ATOSA: variants seen among roughly 807,000 people sequenced by gnomAD.
The protein encoded by ATOSA is atos homolog A.
At chr15:52,645,282 TA>T in the ATOSA span, among the ~76,000 whole-genome samples, 1 of 151,932 alleles carries the variant, frequency 6.6e-6, no homozygotes, top group South Asian at 2.1e-4. Context: ...CTACCAAAAA[TA>T]CAAAAATTAG....
At chr15:52,612,927 C>T in the ATOSA span, among the ~76,000 whole-genome samples, 2 of 149,306 alleles carry the variant, frequency 1.3e-5, no homozygotes, top group Non-Finnish European at 3.0e-5. Context: ...CAATGTTACA[C>T]AAAAACATTA....
At chr15:52,592,108 CTCTGT>C in the ATOSA span, among the ~76,000 whole-genome samples, 14 of 152,282 alleles carry the variant, frequency 9.2e-5, no homozygotes, top group African/African-American at 3.4e-4. Flanking sequence ...TTCCTTTCCT[CTCTGT>C]TGTTTCTCAA....
chr15:52,587,295 G>C, the ATOSA span: 5 of 1,217,116 alleles, frequency 4.1e-6, no homozygotes, highest in African/African-American at 7.7e-5. Flanking sequence ...AATAACTCAT[G>C]TAATTTATTA....
chr15:52,696,983 C>T, the ATOSA span, among the ~76,000 whole-genome samples: 1 of 152,014 alleles, frequency 6.6e-6, no homozygotes, highest in Non-Finnish European at 1.5e-5. Context: ...CTATTCAGAC[C>T]TGATCTTATT....
At chr15:52,664,238 G>A in the ATOSA span, among the ~76,000 whole-genome samples, 4 of 152,266 alleles carry the variant, frequency 2.6e-5, no homozygotes, top group East Asian at 5.8e-4. Flanking sequence ...AAAGACTTTA[G>A]ACATTATACC....
the ATOSA span, among the ~76,000 whole-genome samples, chr15:52,637,949 A>C: frequency 1.3e-4 from 20 of 152,188 alleles, no homozygotes; most frequent in Non-Finnish European, 2.2e-4. Flanking sequence ...ACTTCTTTCC[A>C]GTCTTTATGT....
the ATOSA span, chr15:52,581,433 ACT>A: frequency 6.6e-6 from 1 of 152,170 alleles, no homozygotes. Context: ...TAATGTAAAG[ACT>A]CTATAGTAGT....
At chr15:52,626,035 T>C in the ATOSA span, among the ~76,000 whole-genome samples, 7 of 152,242 alleles carry the variant, frequency 4.6e-5, no homozygotes, top group Non-Finnish European at 8.8e-5. Flanking sequence ...ATGTAACTTT[T>C]AGAATGCTGC....
chr15:52,646,084 GGT>G, the ATOSA span, among the ~76,000 whole-genome samples: 1 of 152,068 alleles, frequency 6.6e-6, no homozygotes, highest in South Asian at 2.1e-4. Context: ...AACATAGGCT[GGT>G]TTCCCAAAAT....
At chr15:52,584,983 G>A in the ATOSA span, 5 of 1,491,382 alleles carry the variant, frequency 3.4e-6, no homozygotes, top group African/African-American at 7.0e-5. Flanking sequence ...TAAAAATAGT[G>A]ATTTGTTGAT....
At chr15:52,677,654 T>C in the ATOSA span, among the ~76,000 whole-genome samples, 1 of 152,254 alleles carries the variant, frequency 6.6e-6, no homozygotes, top group African/African-American at 2.4e-5. Flanking sequence ...AAAAAGCTTA[T>C]GAACTTCTTG....
At chr15:52,645,077 T>C in the ATOSA span, among the ~76,000 whole-genome samples, 1 of 152,246 alleles carries the variant, frequency 6.6e-6, no homozygotes, top group Non-Finnish European at 1.5e-5. Context: ...GAGAATAAGC[T>C]ACTGTTGCTA....
At chr15:52,605,278 A>G in the ATOSA span, 1 of 1,459,392 alleles carries the variant, frequency 6.9e-7, no homozygotes, top group Non-Finnish European at 9.4e-7. Context: ...GTTAATTGTA[A>G]TATTTAAATA....
the ATOSA span, among the ~76,000 whole-genome samples, chr15:52,584,090 G>GAA: frequency 1.1e-3 from 48 of 41,878 alleles, no homozygotes; most frequent in African/African-American, 2.0e-3. Flanking sequence ...GTCTCAAGAA[G>GAA]AAAAAAAAAA....
At chr15:52,582,380 GA>G in the ATOSA span, 1 of 1,300,780 alleles carries the variant, frequency 7.7e-7, no homozygotes, top group Non-Finnish European at 1.0e-6. Context: ...ATTAAAATTT[GA>G]AAGTAGGAAG....
At chr15:52,690,960 T>C in the ATOSA span, among the ~76,000 whole-genome samples, 2 of 152,228 alleles carry the variant, frequency 1.3e-5, no homozygotes, top group African/African-American at 4.8e-5. Context: ...ATGATCCTGC[T>C]GGTAACTCAA....
chr15:52,671,778 A>G, the ATOSA span, among the ~76,000 whole-genome samples: 14 of 151,764 alleles, frequency 9.2e-5, no homozygotes, highest in Non-Finnish European at 2.1e-4. Context: ...GGAGACACCA[A>G]TGTGATGACT....
At chr15:52,593,708 G>A in the ATOSA span, 1 of 1,555,472 alleles carries the variant, frequency 6.4e-7, no homozygotes, top group East Asian at 2.4e-5. Flanking sequence ...AATGCCGAGA[G>A]GATCGAAACG....
the ATOSA span, among the ~76,000 whole-genome samples, chr15:52,704,816 G>A: frequency 2.0e-4 from 31 of 152,222 alleles, no homozygotes; most frequent in East Asian, 2.5e-3. Context: ...GCCATCTCAC[G>A]CCAGTTAGAA....
Sources: allele counts gnomAD v4.1 joint callset (sites outside exome capture counted in the v4.1 genomes callset), GRCh38; gene constraint gnomAD v4.1.1; transcripts MANE v1.5; gene names NCBI Gene and HGNC (gene_info 2026-07-23, HGNC 2026-07-21).